GCNT2: variants seen among roughly 807,000 people sequenced by gnomAD.
The protein encoded by GCNT2 is N-acetyllactosaminide beta-1,6-N-acetylglucosaminyl-transferase.
Under a neutral mutation model 34.2 loss-of-function variants are expected in GCNT2, and 34 were observed. The ratio of observed to expected loss-of-function variants is 1.00; its 90% confidence interval spans 0.76 to 1.32. The LOEUF is 1.32. Ranked by LOEUF, GCNT2 falls within the 40% of genes most tolerant of loss-of-function variation. GCNT2 has a pLI of 0.00. For synonymous variants in GCNT2, 212 were observed against 188.0 expected (o/e 1.13, Z -1.04); for missense variants, 584 against 489.4 (o/e 1.19, Z -1.82).
intron 3 of GCNT2, among the ~76,000 whole-genome samples, chr6:10,597,901 T>C (rs1372667333): frequency 1.3e-5 from 2 of 152,250 alleles, no homozygotes; most frequent in African/African-American, 2.4e-5. Flanking sequence ...TTATGAGCCA[T>C]GCGTGAATGT....
chr6:10,557,676 A>G (rs1481085596), intron 3 of GCNT2, among the ~76,000 whole-genome samples: 1 of 152,112 alleles, frequency 6.6e-6, no homozygotes, highest in African/African-American at 2.4e-5. Flanking sequence ...AATTTTGTGC[A>G]GACAGGGTCT....
intron 3 of GCNT2, among the ~76,000 whole-genome samples, chr6:10,602,955 T>A (rs1222725194): frequency 1.3e-5 from 2 of 152,164 alleles, no homozygotes; most frequent in Admixed American, 6.5e-5. Flanking sequence ...GTACTTTTAT[T>A]TGAAAGAGTC....
intron 3 of GCNT2, among the ~76,000 whole-genome samples, chr6:10,597,695 C>T (rs1764916259): frequency 6.6e-6 from 1 of 151,832 alleles, no homozygotes; most frequent in South Asian, 2.1e-4. Context: ...CTCCTGGGCT[C>T]AAGCAATCCT....
At chr6:10,540,569 C>T (rs1761996165) in intron 3 of GCNT2, among the ~76,000 whole-genome samples, 2 of 152,010 alleles carry the variant, frequency 1.3e-5, no homozygotes, top group African/African-American at 4.8e-5. Flanking sequence ...ACCAGCACAC[C>T]AAATGTGAGC....
chr6:10,567,253 A>T (rs1349554659), intron 3 of GCNT2, among the ~76,000 whole-genome samples: 1 of 152,188 alleles, frequency 6.6e-6, no homozygotes, highest in Non-Finnish European at 1.5e-5. Context: ...TGGCCCCAGG[A>T]GTTGGAGACC....
At chr6:10,573,551 T>C (rs568749033) in intron 3 of GCNT2, among the ~76,000 whole-genome samples, 1 of 152,322 alleles carries the variant, frequency 6.6e-6, no homozygotes, top group South Asian at 2.1e-4. Flanking sequence ...CGATTTACTT[T>C]CCACCACTTG....
chr6:10,568,249 G>C (rs958738869), intron 3 of GCNT2, among the ~76,000 whole-genome samples: 9 of 151,764 alleles, frequency 5.9e-5, no homozygotes, highest in African/African-American at 2.2e-4. Flanking sequence ...AAGCTTCCAC[G>C]AGTGCCTGCT....
chr6:10,539,705 C>T (rs1030519031), intron 3 of GCNT2, among the ~76,000 whole-genome samples: 2 of 152,136 alleles, frequency 1.3e-5, no homozygotes, highest in Admixed American at 1.3e-4. Context: ...TGTTACGATT[C>T]TAAAAATTCT....
At chr6:10,551,875 A>G (rs1310113796) in intron 3 of GCNT2, among the ~76,000 whole-genome samples, 1 of 152,008 alleles carries the variant, frequency 6.6e-6, no homozygotes, top group Non-Finnish European at 1.5e-5. Flanking sequence ...CTCCTGCCTC[A>G]GCCTCCCAAG....
chr6:10,583,878 GCTCTCTGGGAACACTATCACATTT>G, intron 3 of GCNT2, among the ~76,000 whole-genome samples: 1 of 152,236 alleles, frequency 6.6e-6, no homozygotes. Flanking sequence ...CCCAACTTTT[GCTCTCTGGGAACACTATCACATTT>G]CTCTCTGGCA....
chr6:10,563,192 A>G (rs936378905), intron 3 of GCNT2, among the ~76,000 whole-genome samples: 3 of 152,130 alleles, frequency 2.0e-5, no homozygotes, highest in African/African-American at 4.8e-5. Flanking sequence ...CTCCTGTGAT[A>G]TTAGAGGGGC....
At chr6:10,601,902 C>CT (rs1279389483) in intron 3 of GCNT2, among the ~76,000 whole-genome samples, 1 of 145,930 alleles carries the variant, frequency 6.9e-6, no homozygotes, top group Non-Finnish European at 1.5e-5. Flanking sequence ...GATCATGCCA[C>CT]TGCACTCCAG....
intron 3 of GCNT2, among the ~76,000 whole-genome samples, chr6:10,583,392 C>T (rs1271831723): frequency 6.6e-6 from 1 of 152,154 alleles, no homozygotes; most frequent in African/African-American, 2.4e-5. Flanking sequence ...TGCTAGGTGA[C>T]TACAGGAGTG....
intron 3 of GCNT2, among the ~76,000 whole-genome samples, chr6:10,585,446 G>A (rs138508548): frequency 2.0e-5 from 3 of 152,276 alleles, no homozygotes; most frequent in African/African-American, 7.2e-5. Flanking sequence ...GAAACCAGAG[G>A]AGCCGATATC....
chr6:10,547,890 T>G (rs1435444835), intron 3 of GCNT2, among the ~76,000 whole-genome samples: 2 of 152,248 alleles, frequency 1.3e-5, no homozygotes, highest in Non-Finnish European at 2.9e-5. Flanking sequence ...TAATCCATTA[T>G]TCTTTTTACT....
chr6:10,553,755 G>T (rs518163), intron 3 of GCNT2, among the ~76,000 whole-genome samples: 3 of 152,192 alleles, frequency 2.0e-5, no homozygotes, highest in Non-Finnish European at 4.4e-5. Context: ...TTAGCTGGGC[G>T]TGGTGGCACA....
chr6:10,561,299 A>T (rs1401268860), intron 3 of GCNT2, among the ~76,000 whole-genome samples: 1 of 152,026 alleles, frequency 6.6e-6, no homozygotes, highest in Non-Finnish European at 1.5e-5. Context: ...AGTAGCTGGG[A>T]TTACAGGCAT....
chr6:10,590,309 G>A lies in GCNT2; in HGVS notation c.926-31042G>A, dbSNP rs181109585. Among the ~76,000 whole-genome samples, 18 of 151,842 alleles carry A rather than the reference G, an allele frequency of 1.2e-4. No homozygotes were observed. In the East Asian group the frequency reaches 2.9e-3, roughly 25 times the overall value. On this transcript the variant is annotated intron_variant, in intron 3 of 4. Transcript: ENST00000495262. ...AGTTACTCAGGAGGCTGAGGAAGGAGGATTGCTTAAGCCTGAAAAATCAAG... is the reference window on the plus strand; with the variant it reads ...AGTTACTCAGGAGGCTGAGGAAGGAAGATTGCTTAAGCCTGAAAAATCAAG...
rs139869970 is a variant in GCNT2, at chr6:10,571,867, T to C, written c.925+42031T>C. 3.9e-3 allele frequency among the ~76,000 whole-genome samples: 592 copies of C among 152,326 alleles called. 3 individuals are homozygous for C. Among genetic ancestry groups the C allele is most frequent in the African/African-American group, 0.013 (551 of 41,582 alleles). Reference sequence around the variant, plus strand: ...AGGATCACGCAGAGATTTTCTGCACTATAGACTTAGTGATGATTTGCACGC... The same window carrying C: ...AGGATCACGCAGAGATTTTCTGCACCATAGACTTAGTGATGATTTGCACGC... On this transcript the variant is annotated intron_variant, in intron 3 of 4. Coordinates refer to ENST00000495262, the MANE Select transcript of GCNT2 (RefSeq NM_145649.5).
Sources: gnomAD v4.1 joint callset for allele counts (sites outside exome capture counted in the v4.1 genomes callset) on GRCh38, gnomAD v4.1.1 for gene constraint, MANE v1.5 for transcripts, NCBI Gene and HGNC (gene_info 2026-07-23, HGNC 2026-07-21) for gene names.